Variants in CSGALNACT1 observed in about 807,000 individuals in gnomAD.
CSGALNACT1 encodes beta4GalNAcT-1.
In CSGALNACT1, 52 loss-of-function variants were observed where a neutral mutation model predicts 51.0. The observed-to-expected ratio is 1.02, with a 90% CI of 0.82 to 1.29. The LOEUF is 1.29. Ranked by LOEUF, CSGALNACT1 falls within the 50% of genes most tolerant of loss-of-function variation. CSGALNACT1 has a pLI of 0.00. For missense variants in CSGALNACT1, 935 were observed against 679.2 expected (o/e 1.38, Z -4.19); for synonymous variants, 341 against 254.4 (o/e 1.34, Z -3.24).
chr8:19,618,758 C>A (rs2053421923), intron 1 of CSGALNACT1, among the ~76,000 whole-genome samples: 1 of 151,852 alleles, frequency 6.6e-6, no homozygotes, highest in African/African-American at 2.4e-5. Flanking sequence ...AGACGGGGGA[C>A]ATGACTCTCC....
chr8:19,748,893 A>T (rs2064855141), intron 1 of CSGALNACT1, among the ~76,000 whole-genome samples: 3 of 151,658 alleles, frequency 2.0e-5, no homozygotes, highest in Admixed American at 2.0e-4. Context: ...TGAACCCGGG[A>T]GGCAGAGGTT....
At chr8:19,699,512 A>T (rs2061749949) in intron 1 of CSGALNACT1, among the ~76,000 whole-genome samples, 1 of 152,242 alleles carries the variant, frequency 6.6e-6, no homozygotes, top group African/African-American at 2.4e-5. Context: ...TGAGGATCTG[A>T]TGCTGAGTAA....
At chr8:19,687,235 C>T (rs1469721248), upstream of CSGALNACT1, among the ~76,000 whole-genome samples, 1 of 152,104 alleles carries the variant, frequency 6.6e-6, no homozygotes. Flanking sequence ...TCCTACCAAC[C>T]TCTTGACAAA....
rs147382934 is a variant in CSGALNACT1, at chr8:19,424,837, A to C, written c.954-4319T>G. ...ACGTAGTGTGATGGTGTGGTTTGGG[A>C]AGGTCCGCACCATGGCCATGAGGCT... On this transcript the variant is annotated intron_variant, in intron 6 of 9. Transcript: ENST00000454498. Among the ~76,000 whole-genome samples the C allele has an allele frequency of 2.7e-4, 41 of 152,294 alleles. No individual in the cohort carries two copies. The East Asian group carries it at 7.2e-3, about 27-fold the overall frequency.
intron 1 of CSGALNACT1, among the ~76,000 whole-genome samples, chr8:19,630,737 T>A (rs2055135164): frequency 6.6e-6 from 1 of 152,250 alleles, no homozygotes; most frequent in African/African-American, 2.4e-5. Flanking sequence ...AGTAGCTTTT[T>A]CAGACTGGCT....
At chr8:19,546,372 T>C (rs2086470499) in intron 3 of CSGALNACT1, among the ~76,000 whole-genome samples, 1 of 152,182 alleles carries the variant, frequency 6.6e-6, no homozygotes, top group South Asian at 2.1e-4. Context: ...CTGTCAATCT[T>C]ATTCCTACTA....
intron 1 of CSGALNACT1, among the ~76,000 whole-genome samples, chr8:19,662,586 G>A (rs73599231): frequency 1.5e-4 from 23 of 152,228 alleles, no homozygotes; most frequent in Middle Eastern, 6.8e-3. Flanking sequence ...TCCTTTCTTA[G>A]GAAGACCTCC....
At chr8:19,501,021 G>A (rs901223136) in intron 4 of CSGALNACT1, among the ~76,000 whole-genome samples, 2 of 152,030 alleles carry the variant, frequency 1.3e-5, no homozygotes, top group African/African-American at 2.4e-5. Flanking sequence ...AGGCTGAGAT[G>A]GGCCGATCAC....
At chr8:19,478,031 G>C (rs1047428085) in intron 4 of CSGALNACT1, among the ~76,000 whole-genome samples, 1 of 152,160 alleles carries the variant, frequency 6.6e-6, no homozygotes, top group Admixed American at 6.5e-5. Flanking sequence ...TTAGATGTCA[G>C]GTGATTCTAG....
At chr8:19,595,564 G>A (rs1048261001) in intron 2 of CSGALNACT1, among the ~76,000 whole-genome samples, 4 of 152,034 alleles carry the variant, frequency 2.6e-5, no homozygotes, top group Admixed American at 6.5e-5. Context: ...CCCAGTGGAA[G>A]AGATGAATTT....
In CSGALNACT1 at chr8:19,596,593, G is replaced by GA. The variant is rs879675049; in HGVS notation, c.-416+5177dup. ...TGCAAATATAGGCCACAAATTGTAAGAAAAAAAAAAAAGACAACAAAGTCT... is the reference window on the plus strand; with the variant it reads ...TGCAAATATAGGCCACAAATTGTAAGAAAAAAAAAAAAAGACAACAAAGTCT... On this transcript the variant is annotated intron_variant, in intron 2 of 9. Coordinates refer to ENST00000454498, the Ensembl canonical transcript of CSGALNACT1. Among the ~76,000 whole-genome samples, 642 of 133,072 alleles carry GA rather than the reference G, an allele frequency of 4.8e-3. 5 individuals are homozygous for GA. Among genetic ancestry groups the GA allele is most frequent in the African/African-American group, 0.014 (505 of 36,340 alleles). The allele number at this position is 133,072 out of a possible 152,430, so 87.3% of individuals were successfully genotyped here.
chr8:19,477,437 C>G (rs572108718), intron 4 of CSGALNACT1, among the ~76,000 whole-genome samples: 1 of 152,348 alleles, frequency 6.6e-6, no homozygotes, highest in East Asian at 1.9e-4. Context: ...ATAGCACACT[C>G]TTACTTTGGC....
chr8:19,432,674 T>C (rs1157325938), intron 6 of CSGALNACT1, among the ~76,000 whole-genome samples: 1 of 152,140 alleles, frequency 6.6e-6, no homozygotes, highest in African/African-American at 2.4e-5. Flanking sequence ...AGTTTGCCAA[T>C]TATTTCTTCT....
chr8:19,509,606 T>G (rs1223706826), intron 3 of CSGALNACT1, among the ~76,000 whole-genome samples: 4 of 111,676 alleles, frequency 3.6e-5, no homozygotes, highest in African/African-American at 7.4e-5. Flanking sequence ...TGGGCAACAG[T>G]GCAAGACTCT....
chr8:19,632,360 A>C (rs188148306), intron 1 of CSGALNACT1, among the ~76,000 whole-genome samples: 3 of 152,248 alleles, frequency 2.0e-5, no homozygotes, highest in Non-Finnish European at 2.9e-5. Context: ...TTTCTCAACT[A>C]TCTATCTGCC....
chr8:19,586,526 C>T (rs1044208476), intron 3 of CSGALNACT1, among the ~76,000 whole-genome samples: 2 of 152,100 alleles, frequency 1.3e-5, no homozygotes, highest in African/African-American at 4.8e-5. Flanking sequence ...GTAACTGGCA[C>T]CACCCCAGAC....
At chr8:19,749,213 CTG>C (rs1369186885) in intron 1 of CSGALNACT1, among the ~76,000 whole-genome samples, 1 of 150,828 alleles carries the variant, frequency 6.6e-6, no homozygotes, top group Non-Finnish European at 1.5e-5. Flanking sequence ...AGCTGTCCTT[CTG>C]TGTTTTTTTT....
At chr8:19,462,055 C>G (rs558490388) in intron 4 of CSGALNACT1, among the ~76,000 whole-genome samples, 2 of 152,308 alleles carry the variant, frequency 1.3e-5, no homozygotes, top group Admixed American at 6.5e-5. Context: ...TGTATCTGCA[C>G]AGCGGCCACA....
upstream of CSGALNACT1, among the ~76,000 whole-genome samples, chr8:19,685,161 T>C (rs527327686): frequency 6.6e-5 from 10 of 152,212 alleles, no homozygotes; most frequent in Non-Finnish European, 1.3e-4. Flanking sequence ...AATAAAAACC[T>C]GACGAAGCAA....
Sources: gnomAD v4.1 joint callset for allele counts (sites outside exome capture counted in the v4.1 genomes callset) on GRCh38, gnomAD v4.1.1 for gene constraint, MANE v1.5 for transcripts, NCBI Gene and HGNC (gene_info 2026-07-23, HGNC 2026-07-21) for gene names.